The following RAC1 variants were observed in gnomAD, a reference collection of about 807,000 sequenced individuals.
RAC1 encodes the protein ras-related C3 botulinum toxin substrate 1.
RAC1 carries 2 observed loss-of-function variants against 25.2 expected under a neutral mutation model. The ratio of observed to expected loss-of-function variants is 0.08; its 90% CI spans 0.03 to 0.25. The LOEUF is 0.25. RAC1 is among the 10% of genes least tolerant of loss of function. The pLI is 1.00. For missense variants in RAC1, 50 were observed against 235.7 expected (o/e 0.21, Z 5.16); for synonymous variants, 88 against 94.0 (o/e 0.94, Z 0.37).
intron 1 of RAC1, among the ~76,000 whole-genome samples, chr7:6,385,491 A>C (rs998447049): frequency 1.3e-5 from 2 of 152,172 alleles, no homozygotes; most frequent in African/African-American, 4.8e-5. Flanking sequence ...TCCAAAGCTT[A>C]GGCTCCTGCT....
intron 3 of RAC1, among the ~76,000 whole-genome samples, chr7:6,395,528 T>C (rs1783212664): frequency 6.6e-6 from 1 of 152,094 alleles, no homozygotes; most frequent in Non-Finnish European, 1.5e-5. Context: ...GCAGGGGATA[T>C]TTGGTGATTT....
intron 2 of RAC1, among the ~76,000 whole-genome samples, chr7:6,389,741 G>A (rs1783034303): frequency 1.3e-5 from 2 of 152,096 alleles, no homozygotes; most frequent in South Asian, 4.1e-4. Context: ...TGCCCAGGCT[G>A]GTCTTGAAGA....
chr7:6,382,925 G>A (rs10951982), intron 1 of RAC1, among the ~76,000 whole-genome samples: 27,530 of 152,140 alleles, frequency 0.18, 2,984 homozygotes, highest in Non-Finnish European at 0.24. Flanking sequence ...TAAGTTATTT[G>A]CTTTCATTGT....
rs1783430710 is a variant in RAC1, at chr7:6,402,489, T to C, written c.*43T>C. On this transcript the variant is annotated 3_prime_UTR_variant, in exon 6 of 6. Transcript: ENST00000348035. ...TCTTGGTCCTGTCCCTTGGAACCTT[T>C]GTACGCTTTGCTCAAAAAAAAACAA... The C allele has an allele frequency of 5.5e-6, 5 of 909,922 alleles. No individual in the cohort carries two copies. The highest frequency in any genetic ancestry group is 3.9e-4 in the Middle Eastern group (1 of 2,582). The allele number at this position is 909,922 out of a possible 1,614,324, so 56.4% of individuals were successfully genotyped here.
intron 1 of RAC1, among the ~76,000 whole-genome samples, chr7:6,375,083 G>A (rs1782543344): frequency 6.6e-6 from 1 of 152,056 alleles, no homozygotes; most frequent in Non-Finnish European, 1.5e-5. Context: ...CGCTCGTAGA[G>A]CAAGCGCTCT....
rs1783490585 is a variant in RAC1, at chr7:6,403,889, AGT to A, written c.*1446_*1447del. 4.5e-6 allele frequency: 1 copy of A among 224,144 alleles called. No homozygotes were observed. Among genetic ancestry groups the A allele is most frequent in the African/African-American group, 2.2e-5 (1 of 44,920 alleles). 13.9% of individuals were successfully genotyped at this position (224,144 alleles called of 1,614,324 possible). A position where few individuals can be genotyped will look rare whatever the true frequency, so the allele number is the denominator to read the frequency against. On this transcript the variant is annotated 3_prime_UTR_variant, in exon 6 of 6. Transcript: ENST00000348035. Reference sequence around the variant, plus strand: ...TAAATTGACAGTTGCAGAATTGTGGAGTGTTTTTACATTGATCTTTTGCTAAT... The same window carrying A: ...TAAATTGACAGTTGCAGAATTGTGGAGTTTTTACATTGATCTTTTGCTAAT...
rs1783429130 is a variant in RAC1, at chr7:6,402,455, G to C, written c.*9G>C. 7.3e-7 allele frequency: 1 copy of C among 1,364,536 alleles called. No individual in the cohort carries two copies. Among genetic ancestry groups the C allele is most frequent in the Non-Finnish European group, 9.6e-7 (1 of 1,042,104 alleles). 84.5% of individuals were successfully genotyped at this position (1,364,536 alleles called of 1,614,324 possible). A position where few individuals can be genotyped will look rare whatever the true frequency, so the allele number is the denominator to read the frequency against. The stretch of plus-strand genomic sequence containing the variant: ...AATGCCTGCTGTTGTAAATGTCTCA[G>C]CCCCTCGTTCTTGGTCCTGTCCCTT... On this transcript the variant is annotated 3_prime_UTR_variant, in exon 6 of 6. Coordinates refer to ENST00000348035, the MANE Select transcript of RAC1 (RefSeq NM_006908.5).
intron 3 of RAC1, among the ~76,000 whole-genome samples, chr7:6,393,610 GTGT>G (rs1783150426): frequency 6.6e-6 from 1 of 152,186 alleles, no homozygotes; most frequent in Non-Finnish European, 1.5e-5. Context: ...ATCAAAGTAG[GTGT>G]TGTCCTCATA....
rs372483186 is a variant in RAC1, at chr7:6,398,735, G to T, written c.226-1391G>T. ...CCGATTGCCGTATGTAAAACTTTCA[G>T]TCCACTTCAGTTTCAAGCTTTCTCT... On this transcript the variant is annotated intron_variant, in intron 3 of 5. Coordinates refer to ENST00000348035, the MANE Select transcript of RAC1 (RefSeq NM_006908.5). The T allele has an allele frequency of 3.1e-6, 5 of 1,610,312 alleles. No homozygotes were observed. In the African/African-American group the frequency reaches 6.7e-5, roughly 22 times the overall value.
intron 3 of RAC1, among the ~76,000 whole-genome samples, chr7:6,397,496 T>C (rs1351787969): frequency 1.3e-5 from 2 of 151,882 alleles, no homozygotes; most frequent in African/African-American, 2.4e-5. Context: ...GGTTTCACCA[T>C]CTTGGCCAGG....
intron 1 of RAC1, among the ~76,000 whole-genome samples, chr7:6,379,017 G>A (rs993440354): frequency 7.2e-5 from 11 of 152,234 alleles, no homozygotes; most frequent in Admixed American, 5.9e-4. Context: ...TTGAATCAAG[G>A]GAGGTGGAAG....
At position 6,375,084 on chromosome 7, in the gene RAC1, C is replaced by T. The variant is rs993778708; in HGVS notation, c.35+314C>T. On this transcript the variant is annotated intron_variant, in intron 1 of 5. Transcript: ENST00000348035. ...GCCCTCCTCGGGAGCGCTCGTAGAG[C>T]AAGCGCTCTTGGAGATTTTGACCAT... Among the ~76,000 whole-genome samples, 4 of 152,186 alleles carry T rather than the reference C, an allele frequency of 2.6e-5. No individual in the cohort carries two copies. In the East Asian group the frequency reaches 7.7e-4, roughly 29 times the overall value.
intron 2 of RAC1, among the ~76,000 whole-genome samples, chr7:6,388,142 T>C (rs929886836): frequency 1.1e-4 from 17 of 151,954 alleles, no homozygotes; most frequent in Non-Finnish European, 2.4e-4. Flanking sequence ...GACAGGAAAG[T>C]GCTGCTCTGG....
intron 2 of RAC1, chr7:6,391,598 G>C (rs836481): frequency 6.5e-6 from 2 of 309,000 alleles, no homozygotes; most frequent in Non-Finnish European, 1.2e-5. Context: ...TTGAAAGCGG[G>C]GCTAATTGTA....
chr7:6,390,131 G>A (rs1363589264), intron 2 of RAC1, among the ~76,000 whole-genome samples: 1 of 98,086 alleles, frequency 1.0e-5, no homozygotes, highest in Admixed American at 1.5e-4. Context: ...ATGGGGTCTT[G>A]CAGTATTGCC....
chr7:6,388,088 G>C (rs936211513), intron 2 of RAC1, among the ~76,000 whole-genome samples: 7 of 152,108 alleles, frequency 4.6e-5, no homozygotes, highest in African/African-American at 7.2e-5. Flanking sequence ...GGTGGAATTG[G>C]CTATTGAATT....
chr7:6,398,035 A>G (rs1783296492), intron 3 of RAC1, among the ~76,000 whole-genome samples: 1 of 152,224 alleles, frequency 6.6e-6, no homozygotes, highest in African/African-American at 2.4e-5. Flanking sequence ...CCTACAAAGT[A>G]GCCCAGAATT....
intron 1 of RAC1, among the ~76,000 whole-genome samples, chr7:6,386,091 A>G (rs1358898186): frequency 6.6e-6 from 1 of 152,204 alleles, no homozygotes; most frequent in Non-Finnish European, 1.5e-5. Context: ...CACACTGGTA[A>G]TATTAGGATT....
chr7:6,383,778 C>T (rs1339801998), intron 1 of RAC1, among the ~76,000 whole-genome samples: 1 of 106,998 alleles, frequency 9.3e-6, no homozygotes, highest in African/African-American at 3.7e-5. Context: ...TTTACACAAC[C>T]TTTATCTTTT....
Sources: allele counts gnomAD v4.1 joint callset (sites outside exome capture counted in the v4.1 genomes callset), GRCh38; gene constraint gnomAD v4.1.1; transcripts MANE v1.5; gene names NCBI Gene and HGNC (gene_info 2026-07-23, HGNC 2026-07-21).